CERS6: variants seen among roughly 807,000 people sequenced by gnomAD.
CERS6 encodes the protein ceramide synthase 6.
A neutral mutation model predicts 56.8 loss-of-function variants in CERS6; 26 were observed. The observed-to-expected ratio is 0.46, with a 90% CI of 0.34 to 0.63. The LOEUF is 0.63. Ranked by LOEUF, CERS6 falls within the 30% of genes least tolerant of loss-of-function variation. CERS6 has a pLI of 0.01. For synonymous variants in CERS6, 164 were observed against 173.3 expected, an observed-to-expected ratio of 0.95 and a Z score of 0.42; for missense variants, 415 against 467.5, an observed-to-expected ratio of 0.89 and a Z score of 1.04.
intron 1 of CERS6, among the ~76,000 whole-genome samples, chr2:168,524,109 T>G (rs865773812): frequency 6.6e-6 from 1 of 152,130 alleles, no homozygotes; most frequent in Non-Finnish European, 1.5e-5. Flanking sequence ...GAATGTTGAG[T>G]TCGTGTGTGT....
chr2:168,509,488 G>A (rs149557723), intron 1 of CERS6, among the ~76,000 whole-genome samples: 1 of 152,216 alleles, frequency 6.6e-6, no homozygotes, highest in Non-Finnish European at 1.5e-5. Flanking sequence ...ATTTAGGAAG[G>A]ATAGCGGTGG....
intron 1 of CERS6, among the ~76,000 whole-genome samples, chr2:168,546,525 T>A (rs1448564237): frequency 6.6e-6 from 1 of 152,242 alleles, no homozygotes; most frequent in Non-Finnish European, 1.5e-5. Flanking sequence ...GTACTTTACA[T>A]GTAAGTTTCA....
intron 1 of CERS6, among the ~76,000 whole-genome samples, chr2:168,522,740 G>A (rs954799975): frequency 2.0e-5 from 3 of 152,046 alleles, no homozygotes; most frequent in Non-Finnish European, 4.4e-5. Context: ...GTAGAGACAG[G>A]GTCTCACTTT....
intron 3 of CERS6, among the ~76,000 whole-genome samples, chr2:168,573,197 A>G (rs767340976): frequency 5.3e-5 from 8 of 150,312 alleles, no homozygotes; most frequent in South Asian, 2.1e-4. Flanking sequence ...CTATGGGGGA[A>G]AAAAAGGATA....
At chr2:168,631,462 A>AATATATT (rs1294537815) in intron 4 of CERS6, among the ~76,000 whole-genome samples, 2 of 127,814 alleles carry the variant, frequency 1.6e-5, no homozygotes, top group Admixed American at 9.7e-5. Context: ...ATTATATAAA[A>AATATATT]ATATAATATA....
chr2:168,665,602 C>T (rs1227601046), intron 4 of CERS6, among the ~76,000 whole-genome samples: 1 of 152,164 alleles, frequency 6.6e-6, no homozygotes, highest in African/African-American at 2.4e-5. Flanking sequence ...CCAACATGCT[C>T]ATCACCTTCT....
In CERS6 at chr2:168,624,442, A is replaced by G. The variant is rs577402570; in HGVS notation, c.408-6543A>G. Among the ~76,000 whole-genome samples, 145 of 152,322 alleles carry G rather than the reference A, an allele frequency of 9.5e-4. 2 individuals carry two copies. Among genetic ancestry groups the G allele is most frequent in the Middle Eastern group, 6.8e-3 (2 of 294 alleles). On this transcript the variant is annotated intron_variant, in intron 3 of 9. Coordinates refer to ENST00000305747, the MANE Select transcript of CERS6 (RefSeq NM_203463.3). Reference sequence around the variant, plus strand: ...CTTTGGCAAGTAATTTAAACTTGCCATCTTATAGTACGATGGGAATGATAG... The same window carrying G: ...CTTTGGCAAGTAATTTAAACTTGCCGTCTTATAGTACGATGGGAATGATAG...
chr2:168,479,645 G>T (rs759892558), intron 1 of CERS6, among the ~76,000 whole-genome samples: 3 of 152,112 alleles, frequency 2.0e-5, no homozygotes, highest in Non-Finnish European at 2.9e-5. Flanking sequence ...TTTTGCTCTT[G>T]TTGCCCAGGC....
intron 4 of CERS6, among the ~76,000 whole-genome samples, chr2:168,682,686 G>C (rs575362043): frequency 6.6e-6 from 1 of 152,138 alleles, no homozygotes; most frequent in African/African-American, 2.4e-5. Flanking sequence ...TCACAATGGG[G>C]GGTGGGAGTT....
intron 1 of CERS6, among the ~76,000 whole-genome samples, chr2:168,538,886 G>C (rs1695316228): frequency 6.6e-6 from 1 of 152,150 alleles, no homozygotes; most frequent in African/African-American, 2.4e-5. Context: ...TGAGCAGAGT[G>C]TATGACCGTA....
chr2:168,735,743 G>A lies in CERS6; in HGVS notation c.845+17765G>A, dbSNP rs563373820. On this transcript the variant is annotated intron_variant, in intron 8 of 9. Coordinates refer to ENST00000305747, the MANE Select transcript of CERS6 (RefSeq NM_203463.3). Reference sequence around the variant, plus strand: ...ATTTAAAAAAAAAAATCAGCCAGGCGTGATGTCACATACCTGTAGTCCCTG... The same window carrying A: ...ATTTAAAAAAAAAAATCAGCCAGGCATGATGTCACATACCTGTAGTCCCTG... 5.9e-5 allele frequency among the ~76,000 whole-genome samples: 9 copies of A among 151,874 alleles called. No individual in the cohort carries two copies. The East Asian group carries it at 9.7e-4, about 16-fold the overall frequency.
intron 3 of CERS6, among the ~76,000 whole-genome samples, chr2:168,611,608 A>C (rs972253718): frequency 3.9e-5 from 6 of 152,358 alleles, no homozygotes; most frequent in Admixed American, 1.3e-4. Flanking sequence ...CCACATTGCC[A>C]TGGAAATTCA....
rs553143943 is a variant in CERS6, at chr2:168,563,276, C to T, written c.407+1954C>T. On this transcript the variant is annotated intron_variant, in intron 3 of 9. Transcript: ENST00000305747. ...AGTGTCTATCTCTTCTCCATGAATTCAGCAGGTCATTATGTGCATACCACA... is the reference window on the plus strand; with the variant it reads ...AGTGTCTATCTCTTCTCCATGAATTTAGCAGGTCATTATGTGCATACCACA... 1.7e-4 allele frequency among the ~76,000 whole-genome samples: 26 copies of T among 152,272 alleles called. No individual in the cohort carries two copies. In the South Asian group the frequency reaches 4.8e-3, roughly 28 times the overall value.
intron 4 of CERS6, among the ~76,000 whole-genome samples, chr2:168,639,056 G>A (rs928409390): frequency 3.3e-5 from 5 of 151,886 alleles, no homozygotes; most frequent in African/African-American, 9.7e-5. Flanking sequence ...AAAAAAGAAC[G>A]CATGTCAGAG....
At chr2:168,624,975 A>G (rs1344223347) in intron 3 of CERS6, among the ~76,000 whole-genome samples, 1 of 152,156 alleles carries the variant, frequency 6.6e-6, no homozygotes, top group Non-Finnish European at 1.5e-5. Flanking sequence ...CATTTGTCCA[A>G]CTGTATAATT....
intron 2 of CERS6, among the ~76,000 whole-genome samples, chr2:168,559,802 C>T (rs1352662046): frequency 7.4e-6 from 1 of 135,122 alleles, no homozygotes; most frequent in Non-Finnish European, 1.6e-5. Context: ...CTCCTTACCC[C>T]TATTTTTCCT....
At chr2:168,768,922 A>G (rs1454403482) in intron 9 of CERS6, among the ~76,000 whole-genome samples, 1 of 149,862 alleles carries the variant, frequency 6.7e-6, no homozygotes, top group African/African-American at 2.5e-5. Flanking sequence ...AAAAAAAAAA[A>G]GAAAAGAAAA....
intron 1 of CERS6, among the ~76,000 whole-genome samples, chr2:168,469,620 C>T (rs944433941): frequency 7.2e-5 from 11 of 152,082 alleles, no homozygotes; most frequent in African/African-American, 2.4e-4. Flanking sequence ...GCTTTGGGTA[C>T]ACGCAGTAAG....
intron 3 of CERS6, among the ~76,000 whole-genome samples, chr2:168,594,355 C>A (rs1683744460): frequency 6.6e-6 from 1 of 152,104 alleles, no homozygotes. Context: ...GAGGCTAAGG[C>A]AGGTGGATTG....
Sources: gnomAD v4.1 joint callset for allele counts (sites outside exome capture counted in the v4.1 genomes callset) on GRCh38, gnomAD v4.1.1 for gene constraint, MANE v1.5 for transcripts, NCBI Gene and HGNC (gene_info 2026-07-23, HGNC 2026-07-21) for gene names.